The following DRAM1 variants were observed in gnomAD, a reference collection of about 807,000 sequenced individuals.
The protein encoded by DRAM1 is DNA damage regulated autophagy modulator 1.
DRAM1 carries 25 observed loss-of-function variants against 28.5 expected under a neutral mutation model. The ratio of observed to expected loss-of-function variants is 0.88; its 90% CI spans 0.64 to 1.23. The LOEUF is 1.23. Among genes scored for constraint, DRAM1 ranks in the 50% most tolerant of loss-of-function variants. The pLI, the probability that DRAM1 is intolerant of heterozygous loss-of-function variation, is 0.00. For synonymous variants in DRAM1, 113 were observed against 114.2 expected, an observed-to-expected ratio of 0.99 and a Z score of 0.07; for missense variants, 249 against 299.2, an observed-to-expected ratio of 0.83 and a Z score of 1.24.
At chr12:101,902,786 G>T (rs769694037) in intron 3 of DRAM1, among the ~76,000 whole-genome samples, 1 of 152,166 alleles carries the variant, frequency 6.6e-6, no homozygotes, top group African/African-American at 2.4e-5. Flanking sequence ...TCATTGTTCC[G>T]ATAACTGTAT....
chr12:101,920,987 TG>T (rs1396316458), intron 6 of DRAM1, among the ~76,000 whole-genome samples: 1 of 152,194 alleles, frequency 6.6e-6, no homozygotes, highest in Non-Finnish European at 1.5e-5. Context: ...AGATAGAAGA[TG>T]GGACTATATC....
rs1874531067 is a variant in DRAM1, at chr12:101,922,750, GTTTTC to G, written c.*1494_*1498del. 6.6e-6 allele frequency: 1 copy of G among 152,118 alleles called. No individual in the cohort carries two copies. The highest frequency in any genetic ancestry group is 1.5e-5 in the Non-Finnish European group (1 of 68,030). 9.4% of individuals were successfully genotyped at this position (152,118 alleles called of 1,614,324 possible). The stretch of plus-strand genomic sequence containing the variant: ...CTTTCTTTAAGACGCATCATAAATG[GTTTTC>G]TTTAAGTGAATGGAAGAGTTTGACA... On this transcript the variant is annotated 3_prime_UTR_variant, in exon 7 of 7. Transcript: ENST00000258534.
rs1874421263 is a variant in DRAM1, at chr12:101,920,115, G to T, written c.586G>T (p.Val196Leu). 1 of 1,600,444 alleles carries T rather than the reference G, an allele frequency of 6.2e-7. No homozygotes were observed. The highest frequency in any genetic ancestry group is 1.3e-5 in the African/African-American group (1 of 74,630). ...LEWNPREKDY[V>L]YHVVSAICEW... Reference sequence around the variant, plus strand: ...TTCTTTATTATTGCATTAGGATTATGTATATCACGTAGTGAGTGCGATCTG... The same window carrying T: ...TTCTTTATTATTGCATTAGGATTATTTATATCACGTAGTGAGTGCGATCTG... Residue 196 changes from valine (V) to leucine (L), a missense_variant, in exon 6 of 7, where the codon GTA (valine) becomes TTA (leucine). By Grantham distance (32) the Val-to-Leu change is conservative. Coordinates refer to ENST00000258534, the MANE Select transcript of DRAM1 (RefSeq NM_018370.3).
chr12:101,921,633 A>G lies in DRAM1; in HGVS notation c.*373A>G, dbSNP rs1874488443. 1 of 162,378 alleles carries G rather than the reference A, an allele frequency of 6.2e-6. No individual in the cohort carries two copies. Among genetic ancestry groups the G allele is most frequent in the Admixed American group, 6.4e-5 (1 of 15,650 alleles). 10.1% of individuals were successfully genotyped at this position (162,378 alleles called of 1,614,324 possible). A position where few individuals can be genotyped will look rare whatever the true frequency, so the allele number is the denominator to read the frequency against. On this transcript the variant is annotated 3_prime_UTR_variant, in exon 7 of 7. Coordinates refer to ENST00000258534, the MANE Select transcript of DRAM1 (RefSeq NM_018370.3). ...TACACTAAATGAGTAATTCAGGTTCAGTACATTTATTACAAAGTGAAATCA... is the reference window on the plus strand; with the variant it reads ...TACACTAAATGAGTAATTCAGGTTCGGTACATTTATTACAAAGTGAAATCA...
chr12:101,907,241 G>A (rs61936567), intron 3 of DRAM1, among the ~76,000 whole-genome samples: 16,561 of 149,170 alleles, frequency 0.11, 988 homozygotes, highest in Middle Eastern at 0.18. Context: ...AGCTGCATTT[G>A]CATAACAAAA....
chr12:101,918,220 G>A (rs1053336946), intron 5 of DRAM1, among the ~76,000 whole-genome samples: 5 of 152,208 alleles, frequency 3.3e-5, no homozygotes. Context: ...TTACTTGGTA[G>A]GGGGAGGTGA....
chr12:101,908,077 G>A (rs1873890249), intron 3 of DRAM1, 109 bp from the exon 4 acceptor site: 2 of 863,000 alleles, frequency 2.3e-6, no homozygotes, highest in Non-Finnish European at 3.5e-6. Flanking sequence ...TCCAAGAAGT[G>A]GTGCATCTGT....
intron 1 of DRAM1, among the ~76,000 whole-genome samples, chr12:101,878,392 T>A (rs1472342250): frequency 6.6e-6 from 1 of 152,190 alleles, no homozygotes; most frequent in African/African-American, 2.4e-5. Flanking sequence ...TGATGAAATA[T>A]CATCAACGTG....
intron 1 of DRAM1, among the ~76,000 whole-genome samples, chr12:101,886,815 G>T (rs1245800794): frequency 6.6e-6 from 1 of 152,106 alleles, no homozygotes; most frequent in East Asian, 1.9e-4. Flanking sequence ...ATTAACTGTT[G>T]ATCTGTGTAG....
rs2121130676 is a variant in DRAM1, at chr12:101,908,099, G to T, written c.343-87G>T. The T allele has an allele frequency of 3.4e-6, 4 of 1,181,124 alleles. No homozygotes were observed. In the East Asian group the frequency reaches 7.4e-5, roughly 22 times the overall value. The allele number at this position is 1,181,124 out of a possible 1,614,324, so 73.2% of individuals were successfully genotyped here. A position where few individuals can be genotyped will look rare whatever the true frequency, so the allele number is the denominator to read the frequency against. On this transcript the variant is annotated intron_variant, in intron 3 of 6. Transcript: ENST00000258534. ...AGTGGTGCATCTGTGATGACCAATG[G>T]CTCAAAGCAGCCCAGAGTGAGAGTG...
chr12:101,923,093 A>AAAAT lies in DRAM1; in HGVS notation c.*1850_*1853dup, dbSNP rs58464864. 11,056 of 151,942 alleles carry AAAAT rather than the reference A, an allele frequency of 0.073. 418 individuals are homozygous for AAAAT. The highest frequency in any genetic ancestry group is 0.14 in the Middle Eastern group (41 of 294). The allele number at this position is 151,942 out of a possible 1,614,324, so 9.4% of individuals were successfully genotyped here. On this transcript the variant is annotated 3_prime_UTR_variant, in exon 7 of 7. Transcript: ENST00000258534. ...GGCAACAGAGTGAGACCCTGTCTCA[A>AAAAT]AAATAAATAAATAAATAAATGAATA...
chr12:101,901,438 A>G lies in DRAM1; in HGVS notation c.342+5A>G, dbSNP rs1237981343. Reference sequence around the variant, plus strand: ...GGCATTGTCGCCAATTTTCAGGTATAATCTGGAGCTTTTTCAGTTATGAGG... The same window carrying G: ...GGCATTGTCGCCAATTTTCAGGTATGATCTGGAGCTTTTTCAGTTATGAGG... On this transcript the variant is annotated splice_donor_5th_base_variant and intron_variant, in intron 3 of 6. Transcript: ENST00000258534. 14 of 1,613,606 alleles carry G rather than the reference A, an allele frequency of 8.7e-6. No homozygotes were observed. Among genetic ancestry groups the G allele is most frequent in the African/African-American group, 2.7e-5 (2 of 74,878 alleles).
intron 1 of DRAM1, among the ~76,000 whole-genome samples, chr12:101,888,911 C>T (rs968127382): frequency 1.3e-5 from 2 of 149,148 alleles, no homozygotes; most frequent in South Asian, 4.2e-4. Context: ...CTCAAGTGAT[C>T]CTCCTACCTC....
At chr12:101,910,842 A>G (rs1349844196) in intron 4 of DRAM1, among the ~76,000 whole-genome samples, 2 of 152,122 alleles carry the variant, frequency 1.3e-5, no homozygotes, top group African/African-American at 4.8e-5. Context: ...AGGGGTTATA[A>G]CCCTATGTCA....
intron 5 of DRAM1, among the ~76,000 whole-genome samples, chr12:101,918,610 TGTC>T (rs1246421196): frequency 1.3e-5 from 2 of 152,214 alleles, no homozygotes; most frequent in Non-Finnish European, 2.9e-5. Flanking sequence ...AGAAAACAAC[TGTC>T]ACCATGGAGC....
rs148587058 is a variant in DRAM1 at position 101,911,150 on chromosome 12, C to T, written c.520+2787C>T. ...ACTTGGGAGGCTGAAGGAGGAGAAT[C>T]GCTTGAACCAGGAGTGGGAGGTTAC... On this transcript the variant is annotated intron_variant, in intron 4 of 6. Transcript: ENST00000258534. 3.7e-4 allele frequency among the ~76,000 whole-genome samples: 56 copies of T among 152,144 alleles called. No homozygotes were observed. The East Asian group carries it at 8.9e-3, about 24-fold the overall frequency.
intron 1 of DRAM1, among the ~76,000 whole-genome samples, chr12:101,884,450 T>A (rs184787942): frequency 6.6e-6 from 1 of 152,202 alleles, no homozygotes; most frequent in African/African-American, 2.4e-5. Context: ...TTGTTATAGT[T>A]TCTTATCAAA....
At chr12:101,901,158 A>G in intron 2 of DRAM1, 133 bp from the exon 3 acceptor site, 1 of 781,682 alleles carries the variant, frequency 1.3e-6, no homozygotes, top group Non-Finnish European at 2.0e-6. Flanking sequence ...AGATGGAGTC[A>G]GGAGGGACAG....
chr12:101,885,814 C>T (rs984610761), intron 1 of DRAM1, among the ~76,000 whole-genome samples: 3 of 152,194 alleles, frequency 2.0e-5, no homozygotes, highest in Admixed American at 2.0e-4. Flanking sequence ...AGGTGTGAGC[C>T]ACCGCGTCCG....
Sources: gnomAD v4.1 joint callset for allele counts (sites outside exome capture counted in the v4.1 genomes callset) on GRCh38, gnomAD v4.1.1 for gene constraint, MANE v1.5 for transcripts, NCBI Gene and HGNC (gene_info 2026-07-23, HGNC 2026-07-21) for gene names.